The following KCNJ6 variants were observed in gnomAD, a reference collection of about 807,000 sequenced individuals.
KCNJ6 encodes the protein potassium inwardly rectifying channel subfamily J member 6, also known as G protein-activated inward rectifier potassium channel 2.
In KCNJ6, 9 loss-of-function variants were observed where a neutral mutation model predicts 34.2. The ratio of observed to expected loss-of-function variants is 0.26; its 90% CI spans 0.16 to 0.46. KCNJ6 has a LOEUF of 0.46. Among genes scored for constraint, KCNJ6 ranks in the 20% least tolerant of loss-of-function variants. The probability of loss-of-function intolerance (pLI) is 1.00; values close to 1 mark genes in which losing one functional copy is unlikely to be tolerated. For missense variants in KCNJ6, 236 were observed against 531.3 expected (o/e 0.44, Z 5.46); for synonymous variants, 196 against 207.1 (o/e 0.95, Z 0.46).
chr21:37,873,332 T>G (rs2055661791), intron 1 of KCNJ6, among the ~76,000 whole-genome samples: 1 of 152,226 alleles, frequency 6.6e-6, no homozygotes, highest in South Asian at 2.1e-4. Context: ...AGTGACTCTA[T>G]GGGCAGATAC....
intron 3 of KCNJ6, among the ~76,000 whole-genome samples, chr21:37,686,460 C>CTTTTTTT (rs34884125): frequency 2.8e-5 from 1 of 35,878 alleles, no homozygotes. Context: ...CGGGTGAAGT[C>CTTTTTTT]TTTTTTTTTT....
intron 1 of KCNJ6, among the ~76,000 whole-genome samples, chr21:37,912,507 C>T (rs1191582225): frequency 1.3e-5 from 2 of 152,146 alleles, no homozygotes; most frequent in African/African-American, 2.4e-5. Flanking sequence ...TCTATATTCT[C>T]GTATAGCTTC....
At chr21:37,727,309 ATGGTGGTGT>A (rs1434723257) in intron 2 of KCNJ6, among the ~76,000 whole-genome samples, 5 of 152,106 alleles carry the variant, frequency 3.3e-5, no homozygotes, top group African/African-American at 1.2e-4. Context: ...GACTTTGGTG[ATGGTGGTGT>A]TGGTGGAGTG....
chr21:37,652,861 G>A (rs1199085976), intron 3 of KCNJ6, among the ~76,000 whole-genome samples: 3 of 152,198 alleles, frequency 2.0e-5, no homozygotes, highest in African/African-American at 7.2e-5. Flanking sequence ...CTTACTTGAG[G>A]AAGCTAGGGG....
At chr21:37,850,662 G>C (rs776453945) in intron 1 of KCNJ6, among the ~76,000 whole-genome samples, 2 of 152,146 alleles carry the variant, frequency 1.3e-5, no homozygotes, top group Middle Eastern at 6.8e-3. Flanking sequence ...TAATCACCCG[G>C]CCCAGCAGCT....
chr21:37,734,725 G>A (rs1359611002), intron 2 of KCNJ6, among the ~76,000 whole-genome samples: 1 of 152,096 alleles, frequency 6.6e-6, no homozygotes, highest in African/African-American at 2.4e-5. Context: ...GGGTGACATG[G>A]AAGGGAAATA....
At chr21:37,701,666 G>A (rs940685717) in intron 3 of KCNJ6, among the ~76,000 whole-genome samples, 2 of 152,156 alleles carry the variant, frequency 1.3e-5, no homozygotes. Flanking sequence ...CTGGCCATGA[G>A]TGCCACACAG....
Position 37,714,098 on chromosome 21 carries a change from T to G in KCNJ6, c.946+113A>C. ...ACTATGTCATGAAGCAAGGGGATGT[T>G]GTCAATATTGAGTGAGGTTCAGTAT... On this transcript the variant is annotated intron_variant, in intron 3 of 3. Coordinates refer to ENST00000609713, the MANE Select transcript of KCNJ6 (RefSeq NM_002240.5). This position sits in a 1 kb window ranked among gnomAD's most constrained non-coding sequence, Gnocchi z 5.9. 1.3e-6 allele frequency: 1 copy of G among 771,444 alleles called. No individual in the cohort carries two copies. Among genetic ancestry groups the G allele is most frequent in the Non-Finnish European group, 2.2e-6 (1 of 459,056 alleles). 47.8% of individuals were successfully genotyped at this position (771,444 alleles called of 1,614,324 possible). A position where few individuals can be genotyped will look rare whatever the true frequency, so the allele number is the denominator to read the frequency against.
chr21:37,709,244 G>T (rs903986511), intron 3 of KCNJ6, among the ~76,000 whole-genome samples: 6 of 152,232 alleles, frequency 3.9e-5, no homozygotes, highest in African/African-American at 1.4e-4. Context: ...GGGCGCGGTG[G>T]CTCACACCTG....
At chr21:37,763,026 C>G (rs1297190088) in intron 2 of KCNJ6, among the ~76,000 whole-genome samples, 1 of 152,218 alleles carries the variant, frequency 6.6e-6, no homozygotes, top group Non-Finnish European at 1.5e-5. Context: ...GTCTAAATGA[C>G]ACGCAGCCAC....
chr21:37,734,917 A>G (rs2054904980), intron 2 of KCNJ6, among the ~76,000 whole-genome samples: 1 of 152,106 alleles, frequency 6.6e-6, no homozygotes, highest in African/African-American at 2.4e-5. Context: ...TGTGGAACGT[A>G]TTTGATATTT....
Position 37,832,641 on chromosome 21 carries a change from G to A in KCNJ6, c.25+8017C>T, listed in dbSNP as rs569154610. 2.2e-4 allele frequency among the ~76,000 whole-genome samples: 34 copies of A among 152,140 alleles called. No individual in the cohort carries two copies. In the South Asian group the frequency reaches 4.6e-3, roughly 20 times the overall value. On this transcript the variant is annotated intron_variant, in intron 2 of 3. Coordinates refer to ENST00000609713, the MANE Select transcript of KCNJ6 (RefSeq NM_002240.5). Reference sequence around the variant, plus strand: ...CTGACGGTCAACTCAGGTTTTCCCCGTGCCCATCCTGGTCTGTCTGTCCTC... The same window carrying A: ...CTGACGGTCAACTCAGGTTTTCCCCATGCCCATCCTGGTCTGTCTGTCCTC...
intron 2 of KCNJ6, among the ~76,000 whole-genome samples, chr21:37,798,536 C>T (rs11088407): frequency 0.45 from 67,706 of 152,034 alleles, 16,468 homozygotes; most frequent in Non-Finnish European, 0.53. Context: ...GTACATCAAC[C>T]GATCAGTGGA....
At chr21:37,885,718 G>A (rs1375487320) in intron 1 of KCNJ6, among the ~76,000 whole-genome samples, 2 of 152,206 alleles carry the variant, frequency 1.3e-5, no homozygotes, top group African/African-American at 4.8e-5. Context: ...CAACAGCCAC[G>A]TGAGTTTGCA....
At chr21:37,785,704 T>C (rs1319833686) in intron 2 of KCNJ6, among the ~76,000 whole-genome samples, 2 of 152,210 alleles carry the variant, frequency 1.3e-5, no homozygotes, top group Non-Finnish European at 2.9e-5. Flanking sequence ...GTGCAGAAAC[T>C]GGGGGTCAGA....
intron 1 of KCNJ6, among the ~76,000 whole-genome samples, chr21:37,899,620 G>A (rs1244306437): frequency 1.3e-5 from 2 of 152,164 alleles, no homozygotes; most frequent in Non-Finnish European, 2.9e-5. Context: ...GGTAGTGTCT[G>A]GGAGAATGCT....
chr21:37,709,101 C>T (rs1407536407), intron 3 of KCNJ6, among the ~76,000 whole-genome samples: 2 of 151,736 alleles, frequency 1.3e-5, no homozygotes, highest in Admixed American at 6.6e-5. Context: ...TCAATGTCTA[C>T]GTAATTTAAA....
intron 2 of KCNJ6, among the ~76,000 whole-genome samples, chr21:37,719,082 G>C (rs1214653726): frequency 6.6e-6 from 1 of 152,120 alleles, no homozygotes; most frequent in Non-Finnish European, 1.5e-5. Context: ...TTCTGGGAGA[G>C]AAGAGATGAA....
At chr21:37,860,616 C>T (rs1242068649) in intron 1 of KCNJ6, among the ~76,000 whole-genome samples, 2 of 152,182 alleles carry the variant, frequency 1.3e-5, no homozygotes, top group Non-Finnish European at 2.9e-5. Context: ...CCTCATTTCC[C>T]AGCCTTCTCC....
Sources: allele counts gnomAD v4.1 joint callset (sites outside exome capture counted in the v4.1 genomes callset), GRCh38; gene constraint gnomAD v4.1.1; non-coding constraint Gnocchi (gnomAD v3.1); transcripts MANE v1.5; gene names NCBI Gene and HGNC (gene_info 2026-07-23, HGNC 2026-07-21).